THSD4: variants seen among roughly 807,000 people sequenced by gnomAD.
THSD4 encodes thrombospondin type 1 domain containing 4.
Under a neutral mutation model 119.0 loss-of-function variants are expected in THSD4, and 69 were observed. The observed-to-expected ratio is 0.58, with a 90% CI of 0.48 to 0.71. THSD4 has a LOEUF of 0.71. THSD4 is among the 30% of genes least tolerant of loss of function. THSD4 has a pLI of 0.00. For synonymous variants in THSD4, 524 were observed against 540.4 expected (o/e 0.97, Z 0.42); for missense variants, 1,393 against 1,391.1 (o/e 1.00, Z -0.02).
intron 7 of THSD4, among the ~76,000 whole-genome samples, chr15:71,465,392 G>A (rs1292920648): frequency 6.6e-6 from 1 of 152,126 alleles, no homozygotes; most frequent in African/African-American, 2.4e-5. Flanking sequence ...GGCTGTGAGA[G>A]GTAGACAGGG....
intron 7 of THSD4, among the ~76,000 whole-genome samples, chr15:71,541,841 G>A (rs550626754): frequency 6.6e-6 from 1 of 152,324 alleles, no homozygotes; most frequent in South Asian, 2.1e-4. Flanking sequence ...AGGAAAGAAG[G>A]TATGGAGCAC....
At chr15:71,465,398 C>G (rs2047485940) in intron 7 of THSD4, among the ~76,000 whole-genome samples, 1 of 152,128 alleles carries the variant, frequency 6.6e-6, no homozygotes, top group South Asian at 2.1e-4. Context: ...GAGAGGTAGA[C>G]AGGGGCAGAG....
chr15:71,594,260 G>A (rs1209736345), intron 7 of THSD4, among the ~76,000 whole-genome samples: 1 of 151,266 alleles, frequency 6.6e-6, no homozygotes, highest in African/African-American at 2.4e-5. Context: ...CCAAGCTGGA[G>A]TGCAATGGCA....
chr15:71,327,715 T>G (rs545819713), intron 6 of THSD4, among the ~76,000 whole-genome samples: 1 of 152,348 alleles, frequency 6.6e-6, no homozygotes, highest in African/African-American at 2.4e-5. Flanking sequence ...AAGCTGTATT[T>G]GGATTTCTTT....
At chr15:71,727,870 AG>A (rs1361135765) in intron 8 of THSD4, among the ~76,000 whole-genome samples, 2 of 149,978 alleles carry the variant, frequency 1.3e-5, no homozygotes, top group Admixed American at 6.7e-5. Flanking sequence ...TCATAAATAA[AG>A]GGGTAATAAA....
chr15:71,263,311 T>C (rs2044423218), intron 6 of THSD4, among the ~76,000 whole-genome samples: 1 of 121,294 alleles, frequency 8.2e-6, no homozygotes, highest in Non-Finnish European at 1.8e-5. Context: ...TTCTTTTTTA[T>C]GGCTGCATAG....
intron 6 of THSD4, among the ~76,000 whole-genome samples, chr15:71,377,892 A>ACCCACC (rs1484095302): frequency 4.8e-5 from 4 of 83,944 alleles, no homozygotes; most frequent in African/African-American, 1.8e-4. Context: ...ACACACACAC[A>ACCCACC]CACACACACA....
At chr15:71,499,007 G>A (rs995940460) in intron 7 of THSD4, among the ~76,000 whole-genome samples, 1 of 151,884 alleles carries the variant, frequency 6.6e-6, no homozygotes, top group African/African-American at 2.4e-5. Context: ...ACCCGGCACA[G>A]GTCAATGTTA....
At chr15:71,587,517 G>A (rs1439376115) in intron 7 of THSD4, among the ~76,000 whole-genome samples, 3 of 114,510 alleles carry the variant, frequency 2.6e-5, no homozygotes, top group South Asian at 3.3e-4. Context: ...GTAAACTATC[G>A]CAAGAACAAA....
Position 71,500,039 on chromosome 15 carries a change from AT to A in THSD4, c.1152+88221del, listed in dbSNP as rs2048087140. Among the ~76,000 whole-genome samples the A allele has an allele frequency of 2.0e-5, 3 of 152,074 alleles. 1 individual carries two copies. The South Asian group carries it at 6.2e-4, about 32-fold the overall frequency. On this transcript the variant is annotated intron_variant, in intron 7 of 17. Coordinates refer to ENST00000261862, the MANE Select transcript of THSD4 (RefSeq NM_024817.3). The stretch of plus-strand genomic sequence containing the variant: ...AGATACTATGATAATTCAATTTTTA[AT>A]TTTTGAGGAACCACCTTACTGTTTA...
chr15:71,641,848 T>C (rs1450785704), intron 7 of THSD4, among the ~76,000 whole-genome samples: 1 of 152,180 alleles, frequency 6.6e-6, no homozygotes, highest in Non-Finnish European at 1.5e-5. Context: ...TTGATACCTA[T>C]ACCACAGTAA....
chr15:71,098,549 C>T (rs2040241573), intron 1 of THSD4, among the ~76,000 whole-genome samples: 1 of 151,832 alleles, frequency 6.6e-6, no homozygotes, highest in Non-Finnish European at 1.5e-5. Flanking sequence ...CAGGTTTGAG[C>T]CACTGCACCT....
chr15:71,199,331 C>T (rs2043747198), intron 3 of THSD4, among the ~76,000 whole-genome samples: 1 of 152,164 alleles, frequency 6.6e-6, no homozygotes, highest in Admixed American at 6.5e-5. Context: ...CTGCACAAGT[C>T]AGAACTGGGG....
Position 71,272,911 on chromosome 15 carries a change from A to G in THSD4, c.1015+16196A>G, listed in dbSNP as rs867598545. 3.9e-5 allele frequency among the ~76,000 whole-genome samples: 6 copies of G among 152,272 alleles called. No individual in the cohort carries two copies. In the East Asian group the frequency reaches 9.6e-4, roughly 24 times the overall value. On this transcript the variant is annotated intron_variant, in intron 6 of 17. Transcript: ENST00000261862. Reference sequence around the variant, plus strand: ...AAAAATGGTAAGTGTTGGCCAGGATATGGAGAAAGGGGAACCTTTGTCTAC... The same window carrying G: ...AAAAATGGTAAGTGTTGGCCAGGATGTGGAGAAAGGGGAACCTTTGTCTAC...
chr15:71,122,217 C>G (rs1249983108), intron 1 of THSD4, among the ~76,000 whole-genome samples: 1 of 152,116 alleles, frequency 6.6e-6, no homozygotes, highest in Non-Finnish European at 1.5e-5. Flanking sequence ...TTACAGAGCT[C>G]CGTGTCAGGT....
At chr15:71,442,029 G>A (rs1432416043) in intron 7 of THSD4, among the ~76,000 whole-genome samples, 4 of 152,068 alleles carry the variant, frequency 2.6e-5, no homozygotes, top group Non-Finnish European at 5.9e-5. Flanking sequence ...CGCCATCTTG[G>A]CACACGGCAA....
At chr15:71,131,005 A>G (rs2040498993) in intron 1 of THSD4, among the ~76,000 whole-genome samples, 1 of 152,158 alleles carries the variant, frequency 6.6e-6, no homozygotes. Flanking sequence ...TGGCCTCCCA[A>G]AGTGCTGGGA....
At chr15:71,434,100 G>A (rs2046975110) in intron 7 of THSD4, among the ~76,000 whole-genome samples, 3 of 152,228 alleles carry the variant, frequency 2.0e-5, no homozygotes, top group South Asian at 2.1e-4. Flanking sequence ...CCATTTTTAT[G>A]TTATTTTACC....
intron 7 of THSD4, among the ~76,000 whole-genome samples, chr15:71,569,713 G>C (rs1182205688): frequency 2.6e-5 from 4 of 152,202 alleles, no homozygotes; most frequent in Non-Finnish European, 2.9e-5. Context: ...TAAGTGAAAG[G>C]CTGGGTGCGG....
Sources: allele counts gnomAD v4.1 joint callset (sites outside exome capture counted in the v4.1 genomes callset), GRCh38; gene constraint gnomAD v4.1.1; transcripts MANE v1.5; gene names NCBI Gene and HGNC (gene_info 2026-07-23, HGNC 2026-07-21).